APP: variants seen among roughly 807,000 people sequenced by gnomAD.
The protein encoded by APP is amyloid beta precursor protein.
In APP, 31 loss-of-function variants were observed where a neutral mutation model predicts 101.4. The observed-to-expected ratio is 0.31, with a 90% confidence interval of 0.23 to 0.41. APP has a LOEUF of 0.41. Among genes scored for constraint, APP ranks in the 10% least tolerant of loss-of-function variants. The probability of loss-of-function intolerance (pLI) is 1.00; values close to 1 mark genes in which losing one functional copy is unlikely to be tolerated. For synonymous variants in APP, 366 were observed against 364.4 expected (o/e 1.00, Z -0.05); for missense variants, 839 against 1,003.7 (o/e 0.84, Z 2.22).
rs776525030 is a variant in APP at position 26,112,139 on chromosome 21, G to C, written c.65C>G (p.Thr22Ser). 1.1e-5 allele frequency: 17 copies of C among 1,613,856 alleles called. No individual in the cohort carries two copies. The East Asian group carries it at 3.1e-4, about 30-fold the overall frequency. The change falls in exon 2 of 18, where the codon ACT (threonine) becomes AGT (serine). Residue 22 changes from threonine (T) to serine (S), a missense_variant. Transcript: ENST00000346798. ...AWTARALEVP[T>S]DGNAGLLAEP... ...AGCCAGCAGGCCAGCATTACCATCA[G>C]TGGGTACCTGAAAGAAGAAGCTTCA...
At chr21:26,010,578 G>A (rs1366782097) in intron 6 of APP, among the ~76,000 whole-genome samples, 1 of 152,014 alleles carries the variant, frequency 6.6e-6, no homozygotes, top group Non-Finnish European at 1.5e-5. Flanking sequence ...GGGAGGCCGA[G>A]ATGGATGGAT....
At chr21:25,885,600 T>C (rs889377058) in intron 17 of APP, among the ~76,000 whole-genome samples, 2 of 152,206 alleles carry the variant, frequency 1.3e-5, no homozygotes, top group South Asian at 4.1e-4. Context: ...GAGGTCTTCA[T>C]GTGACTCTCG....
rs545489079 is a variant in APP, at chr21:25,897,157, C to T, written c.2064+416G>A. 4.0e-4 allele frequency among the ~76,000 whole-genome samples: 60 copies of T among 151,284 alleles called. 1 individual carries two copies. The highest frequency in any genetic ancestry group is 2.8e-3 in the Admixed American group (42 of 15,206). ...CTTTTTTTTTTTTGGGATGGAGTCT[C>T]GCTCTGTCGCCTAGGCACGATCTCA... On this transcript the variant is annotated intron_variant, in intron 16 of 17. Transcript: ENST00000346798.
chr21:26,152,444 T>C (rs114345142), intron 1 of APP, among the ~76,000 whole-genome samples: 2,691 of 152,138 alleles, frequency 0.018, 83 homozygotes, highest in African/African-American at 0.06. Context: ...AAACATTACA[T>C]GTACAAAGAA....
At chr21:25,924,374 T>TATA (rs1367366879) in intron 13 of APP, among the ~76,000 whole-genome samples, 2 of 11,356 alleles carry the variant, frequency 1.8e-4, no homozygotes, top group African/African-American at 2.6e-4. Flanking sequence ...AAACTTAAAG[T>TATA]ATAATAAAAA....
chr21:25,944,499 A>G (rs2040720058), intron 13 of APP, among the ~76,000 whole-genome samples: 1 of 152,242 alleles, frequency 6.6e-6, no homozygotes, highest in Non-Finnish European at 1.5e-5. Flanking sequence ...CAGAAAATAC[A>G]TGCAAAATTT....
At chr21:25,997,482 G>T in intron 7 of APP, 66 bp from the exon 8 acceptor site, 1 of 1,411,178 alleles carries the variant, frequency 7.1e-7, no homozygotes, top group Non-Finnish European at 1.0e-6. Context: ...TGGCTGAAAT[G>T]CACGAGTCCA....
At chr21:25,944,612 T>C (rs977031140) in intron 13 of APP, among the ~76,000 whole-genome samples, 1 of 152,228 alleles carries the variant, frequency 6.6e-6, no homozygotes, top group East Asian at 1.9e-4. Flanking sequence ...TGGAAACATA[T>C]TTCAAAATTA....
At chr21:25,895,564 G>A (rs2037985874) in intron 16 of APP, among the ~76,000 whole-genome samples, 1 of 152,124 alleles carries the variant, frequency 6.6e-6, no homozygotes, top group South Asian at 2.1e-4. Context: ...AGGTATGCCT[G>A]TACCTCCCTA....
intron 4 of APP, among the ~76,000 whole-genome samples, chr21:26,052,485 T>C (rs1399298022): frequency 6.6e-6 from 1 of 152,054 alleles, no homozygotes; most frequent in Non-Finnish European, 1.5e-5. Flanking sequence ...ATAAATTTAT[T>C]AGGAAACCTA....
chr21:25,973,943 T>TTAAAA (rs1555833315), intron 11 of APP, among the ~76,000 whole-genome samples: 2 of 111,140 alleles, frequency 1.8e-5, no homozygotes, highest in African/African-American at 7.6e-5. Context: ...CCATCTCATT[T>TTAAAA]AAAAAAAAAA....
At chr21:26,116,591 A>G (rs1264477330) in intron 1 of APP, among the ~76,000 whole-genome samples, 2 of 152,180 alleles carry the variant, frequency 1.3e-5, no homozygotes, top group Admixed American at 1.3e-4. Flanking sequence ...TTCCTTATAG[A>G]GCAGGCTTGG....
At chr21:26,133,694 C>T (rs1195181911) in intron 1 of APP, among the ~76,000 whole-genome samples, 1 of 152,108 alleles carries the variant, frequency 6.6e-6, no homozygotes, top group Non-Finnish European at 1.5e-5. Context: ...ATCGCTTGAA[C>T]CTGAGGGGCA....
chr21:25,881,968 C>G lies in APP; in HGVS notation c.2212-197G>C, dbSNP rs214484. 0.3 allele frequency among the ~76,000 whole-genome samples: 45,090 copies of G among 151,930 alleles called. 7,048 individuals carry two copies. Among genetic ancestry groups the G allele is most frequent in the Middle Eastern group, 0.45 (131 of 294 alleles). On this transcript the variant is annotated intron_variant, in intron 17 of 17. Coordinates refer to ENST00000346798, the MANE Select transcript of APP (RefSeq NM_000484.4). ...CAGTTACACAGATGCTGTGCTCCAT[C>G]TAGCCACCAGGTGGCGGTGGAAACC...
At chr21:26,110,129 C>T (rs2062278246) in intron 2 of APP, among the ~76,000 whole-genome samples, 1 of 152,148 alleles carries the variant, frequency 6.6e-6, no homozygotes, top group African/African-American at 2.4e-5. Flanking sequence ...AGTAAATCAG[C>T]ACACAGAATG....
At chr21:26,160,597 TA>T (rs2063469170) in intron 1 of APP, among the ~76,000 whole-genome samples, 1 of 152,144 alleles carries the variant, frequency 6.6e-6, no homozygotes, top group African/African-American at 2.4e-5. Flanking sequence ...GAATTCAATA[TA>T]TTTTTTTAAA....
intron 8 of APP, among the ~76,000 whole-genome samples, chr21:25,991,185 A>T (rs2042845540): frequency 6.6e-6 from 1 of 151,790 alleles, no homozygotes; most frequent in South Asian, 2.1e-4. Context: ...GAAGGAGGAG[A>T]GGGATAAAAA....
chr21:25,950,924 TAG>T (rs2041047198), intron 13 of APP, among the ~76,000 whole-genome samples: 2 of 152,222 alleles, frequency 1.3e-5, no homozygotes, highest in South Asian at 4.1e-4. Flanking sequence ...GAACTCAGAA[TAG>T]AGTGTGTAAA....
chr21:25,924,374 T>A (rs1314363916), intron 13 of APP, among the ~76,000 whole-genome samples: 1 of 11,356 alleles, frequency 8.8e-5, no homozygotes, highest in African/African-American at 2.6e-4. Flanking sequence ...AAACTTAAAG[T>A]ATAATAAAAA....
Sources: allele counts gnomAD v4.1 joint callset (sites outside exome capture counted in the v4.1 genomes callset), GRCh38; gene constraint gnomAD v4.1.1; transcripts MANE v1.5; gene names NCBI Gene and HGNC (gene_info 2026-07-23, HGNC 2026-07-21).